The following FSD2 variants were observed in gnomAD, a reference collection of about 807,000 sequenced individuals.
FSD2 encodes fibronectin type III and SPRY domain containing 2, also known as fibronectin type III and SPRY domain-containing protein 2.
FSD2 carries 71 observed loss-of-function variants against 80.4 expected under a neutral mutation model. The ratio of observed to expected loss-of-function variants is 0.88; its 90% CI spans 0.73 to 1.08. FSD2 has a LOEUF of 1.08. Ranked by LOEUF, FSD2 falls within the 50% of genes least tolerant of loss-of-function variation. FSD2 has a pLI of 0.00. For missense variants in FSD2, 923 were observed against 913.8 expected (o/e 1.01, Z -0.13); for synonymous variants, 361 against 329.5 (o/e 1.10, Z -1.03).
chr15:82,764,492 C>CT (rs60095355), intron 11 of FSD2, among the ~76,000 whole-genome samples: 5,834 of 86,004 alleles, frequency 0.068, 717 homozygotes, highest in Non-Finnish European at 0.085. Context: ...TCTTTACTTG[C>CT]TTTTTTTTTT....
Position 82,780,555 on chromosome 15 carries a change from G to A in FSD2, c.967-288C>T, listed in dbSNP as rs527635340. 9.2e-5 allele frequency among the ~76,000 whole-genome samples: 14 copies of A among 151,800 alleles called. 1 individual carries two copies. The highest frequency in any genetic ancestry group is 1.8e-4 in the Non-Finnish European group (12 of 67,930). On this transcript the variant is annotated intron_variant, in intron 4 of 12. Coordinates refer to ENST00000334574, the MANE Select transcript of FSD2 (RefSeq NM_001007122.4). ...TTACCATATTGGCCAGGCTGGTCTC[G>A]AACCCCTGACCTTGTGATTTGCCCA...
chr15:82,804,249 G>C (rs2050479091), intron 1 of FSD2, among the ~76,000 whole-genome samples: 1 of 152,060 alleles, frequency 6.6e-6, no homozygotes, highest in Non-Finnish European at 1.5e-5. Context: ...ACAGACATCA[G>C]CTATGAGATC....
chr15:82,791,992 C>T (rs558470379), intron 1 of FSD2, among the ~76,000 whole-genome samples: 4 of 152,298 alleles, frequency 2.6e-5, no homozygotes, highest in South Asian at 2.1e-4. Flanking sequence ...TCAGTTGATT[C>T]GGGTGGCTTC....
rs60095355 is a variant in FSD2, at chr15:82,764,492, C to CTTTTTTTTTTTTTTTTTTTTTT, written c.1820+673_1820+674insAAAAAAAAAAAAAAAAAAAAAA. 4.7e-3 allele frequency among the ~76,000 whole-genome samples: 404 copies of CTTTTTTTTTTTTTTTTTTTTTT among 86,086 alleles called. 48 individuals are homozygous for CTTTTTTTTTTTTTTTTTTTTTT. Among genetic ancestry groups the CTTTTTTTTTTTTTTTTTTTTTT allele is most frequent in the African/African-American group, 7.7e-3 (161 of 20,826 alleles). 56.5% of individuals were successfully genotyped at this position (86,086 alleles called of 152,430 possible). On this transcript the variant is annotated intron_variant, in intron 11 of 12. Transcript: ENST00000334574. ...CTCTTGTTGCTTCATTCTTTACTTG[C>CTTTTTTTTTTTTTTTTTTTTTT]TTTTTTTTTTTTTTTTTTTTGAGAA...
chr15:82,766,619 G>C (rs1050841186), intron 9 of FSD2, among the ~76,000 whole-genome samples: 1 of 151,800 alleles, frequency 6.6e-6, no homozygotes, highest in African/African-American at 2.4e-5. Context: ...GCAGGTGCCT[G>C]TAATTCCAGC....
rs767590780 is a variant in FSD2 at position 82,759,446 on chromosome 15, G to A, written c.2152C>T (p.Leu718Phe). 1.2e-6 allele frequency: 2 copies of A among 1,613,678 alleles called. No individual in the cohort carries two copies. The highest frequency in any genetic ancestry group is 8.5e-7 in the Non-Finnish European group (1 of 1,179,722). ...SQHLYTFSCQ[L>F]HEFVHPCFSL... ...AAACAGGGATGCACAAATTCGTGAA[G>A]CTGACAACTAAATGTATATAGATGC... The change falls in exon 13 of 13, where the codon CTT (leucine) becomes TTT (phenylalanine). Residue 718 changes from leucine (L) to phenylalanine (F), a missense_variant. Physicochemically the swap from Leu to Phe is conservative, Grantham distance 22. Transcript: ENST00000334574.
chr15:82,792,251 G>C (rs1489382975), intron 1 of FSD2, among the ~76,000 whole-genome samples: 1 of 152,154 alleles, frequency 6.6e-6, no homozygotes, highest in Non-Finnish European at 1.5e-5. Context: ...GGAAAGCTCT[G>C]ATTTCTCCAC....
rs1390017814 is a variant in FSD2, at chr15:82,787,295, T to C, written c.96A>G (p.Arg32=). ...TGTTCTCTTCTGGAAAGAGGTGCAG[T>C]CTGTCTTCAGAGTCATACAGGTCCA... ...YHMDLYDSED[R]LHLFPEENTR... Residue 32 remains arginine (R), a synonymous_variant, in exon 2 of 13, where the codon AGA becomes AGG. Transcript: ENST00000334574. 1.2e-6 allele frequency: 2 copies of C among 1,613,776 alleles called. No individual in the cohort carries two copies. Among genetic ancestry groups the C allele is most frequent in the African/African-American group, 2.7e-5 (2 of 74,860 alleles).
chr15:82,782,492 G>C (rs2151513995), intron 4 of FSD2, among the ~76,000 whole-genome samples: 1 of 152,348 alleles, frequency 6.6e-6, no homozygotes, highest in Non-Finnish European at 1.5e-5. Context: ...TGAGGGAACA[G>C]GTATCTGGGT....
intron 12 of FSD2, among the ~76,000 whole-genome samples, chr15:82,761,372 C>G (rs1432601238): frequency 1.3e-5 from 2 of 152,190 alleles, no homozygotes; most frequent in Non-Finnish European, 2.9e-5. Context: ...CTATATGGAA[C>G]TACTCCATGT....
In FSD2 at chr15:82,805,714, A is replaced by G. The variant is rs145761559; in HGVS notation, c.-79+252T>C. On this transcript the variant is annotated intron_variant, in intron 1 of 12. Transcript: ENST00000334574. Reference sequence around the variant, plus strand: ...ACTACAGATATCCTAAAGACACATTATAAGAATCACCAGCCCCTGTCTGCC... The same window carrying G: ...ACTACAGATATCCTAAAGACACATTGTAAGAATCACCAGCCCCTGTCTGCC... 6.1e-3 allele frequency among the ~76,000 whole-genome samples: 930 copies of G among 152,346 alleles called. 6 individuals are homozygous for G. The highest frequency in any genetic ancestry group is 0.012 in the Admixed American group (176 of 15,296).
intron 1 of FSD2, among the ~76,000 whole-genome samples, chr15:82,798,508 A>G (rs999628525): frequency 1.3e-5 from 2 of 152,228 alleles, no homozygotes; most frequent in African/African-American, 4.8e-5. Context: ...CTTTTTTTAA[A>G]AAAACTAATA....
intron 1 of FSD2, among the ~76,000 whole-genome samples, chr15:82,792,250 T>C (rs2050169743): frequency 6.6e-6 from 1 of 152,226 alleles, no homozygotes; most frequent in Non-Finnish European, 1.5e-5. Flanking sequence ...AGGAAAGCTC[T>C]GATTTCTCCA....
rs568054830 is a variant in FSD2, at chr15:82,803,748, C to T, written c.-79+2218G>A. Among the ~76,000 whole-genome samples the T allele has an allele frequency of 2.6e-5, 4 of 152,286 alleles. No individual in the cohort carries two copies. The South Asian group carries it at 6.2e-4, about 24-fold the overall frequency. ...AATTAATAACTAATTCATGCTGATT[C>T]TGACTCTACCTCTTGAATCTCTAAG... On this transcript the variant is annotated intron_variant, in intron 1 of 12. Transcript: ENST00000334574.
At chr15:82,774,757 C>T (rs1448599720) in intron 6 of FSD2, among the ~76,000 whole-genome samples, 4 of 150,752 alleles carry the variant, frequency 2.7e-5, no homozygotes, top group African/African-American at 4.9e-5. Context: ...GAGTCTCGCT[C>T]TGTCACCAGT....
chr15:82,769,580 T>G (rs992520410), intron 8 of FSD2, among the ~76,000 whole-genome samples, 170 bp downstream of exon 8: 7 of 151,340 alleles, frequency 4.6e-5, no homozygotes, highest in African/African-American at 1.7e-4. Context: ...AAAAAAAATG[T>G]CACTGTCAAA....
At position 82,805,971 on chromosome 15, in the gene FSD2, AAG is replaced by A. The variant is rs1413511023; in HGVS notation, c.-86_-85del. 1 of 152,242 alleles carries A rather than the reference AAG, an allele frequency of 6.6e-6. No homozygotes were observed. The allele number at this position is 152,242 out of a possible 1,614,324, so 9.4% of individuals were successfully genotyped here. A position where few individuals can be genotyped will look rare whatever the true frequency, so the allele number is the denominator to read the frequency against. On this transcript the variant is annotated 5_prime_UTR_variant, in exon 1 of 13. The change abolishes the stop of an existing upstream ORF in the 5' untranslated region. Coordinates refer to ENST00000334574, the MANE Select transcript of FSD2 (RefSeq NM_001007122.4). ...ATGACTACCCCAAAACTTGCCTGCT[AAG>A]CGTCCATAAATGCTTCCTTTAACTC...
Position 82,787,061 on chromosome 15 carries a change from C to T in FSD2, c.330G>A (p.Arg110=), listed in dbSNP as rs772436240. The T allele has an allele frequency of 6.2e-7, 1 of 1,613,842 alleles. No homozygotes were observed. The highest frequency in any genetic ancestry group is 1.3e-5 in the African/African-American group (1 of 74,928). ...CTCTCTGCTCCCTGGCTGGGTCTCT[C>T]CTCTTCATCATATAAGGAGGATATT... ...VSEYPPYMMK[R]RDPAREQRDW... The change falls in exon 2 of 13, where the codon AGG becomes AGA. Residue 110 remains arginine, a synonymous_variant. Transcript: ENST00000334574.
chr15:82,764,263 T>G (rs1278291368), intron 11 of FSD2, among the ~76,000 whole-genome samples: 3 of 152,168 alleles, frequency 2.0e-5, no homozygotes, highest in Admixed American at 1.3e-4. Flanking sequence ...AAACATCCTC[T>G]TCATTTGCAT....
Sources: gnomAD v4.1 joint callset for allele counts (sites outside exome capture counted in the v4.1 genomes callset) on GRCh38, gnomAD v4.1.1 for gene constraint, MANE v1.5 for transcripts, NCBI Gene and HGNC (gene_info 2026-07-23, HGNC 2026-07-21) for gene names.